Variants in PEX26 observed in about 807,000 individuals in gnomAD.
PEX26 encodes peroxisome assembly protein 26.
PEX26 carries 18 observed loss-of-function variants against 31.4 expected under a neutral mutation model. That is an observed-to-expected ratio of 0.57 (90% CI 0.40 to 0.85). The LOEUF (loss-of-function observed/expected upper bound fraction) is 0.85, where lower values mean the gene tolerates loss of function less well. Among genes scored for constraint, PEX26 ranks in the 40% least tolerant of loss-of-function variants. The probability of loss-of-function intolerance (pLI) is 0.00; values close to 1 mark genes in which losing one functional copy is unlikely to be tolerated. For missense variants in PEX26, 377 were observed against 383.9 expected, an observed-to-expected ratio of 0.98 and a Z score of 0.15; for synonymous variants, 176 against 166.9, an observed-to-expected ratio of 1.05 and a Z score of -0.42.
Position 18,099,645 on chromosome 22 carries a change from T to C in PEX26, c.*11570T>C, listed in dbSNP as rs1180861428. The C allele has an allele frequency of 6.6e-6, 1 of 152,348 alleles. No individual in the cohort carries two copies. The highest frequency in any genetic ancestry group is 6.5e-5 in the Admixed American group (1 of 15,298). 9.4% of individuals were successfully genotyped at this position (152,348 alleles called of 1,614,324 possible). A position where few individuals can be genotyped will look rare whatever the true frequency, so the allele number is the denominator to read the frequency against. The stretch of plus-strand genomic sequence containing the variant: ...ACTGCTGTTAACAAATTGCCACAAA[T>C]GTATGGCTTAAAACAACAGAAATTT... On this transcript the variant is annotated 3_prime_UTR_variant, in exon 5 of 5. Coordinates refer to ENST00000399744, the MANE Select transcript of PEX26 (RefSeq NM_001127649.3).
Position 18,096,353 on chromosome 22 carries a change from C to G in PEX26, c.*8278C>G, listed in dbSNP as rs1052997966. The G allele has an allele frequency of 6.6e-6, 1 of 151,952 alleles. No homozygotes were observed. Among genetic ancestry groups the G allele is most frequent in the Non-Finnish European group, 1.5e-5 (1 of 68,042 alleles). 9.4% of individuals were successfully genotyped at this position (151,952 alleles called of 1,614,324 possible). A position where few individuals can be genotyped will look rare whatever the true frequency, so the allele number is the denominator to read the frequency against. Reference sequence around the variant, plus strand: ...ACCCAGCATCTTGTGAACATCAGACCACAGAAAAGGCAGCACTTCTGATTC... The same window carrying G: ...ACCCAGCATCTTGTGAACATCAGACGACAGAAAAGGCAGCACTTCTGATTC... On this transcript the variant is annotated 3_prime_UTR_variant, in exon 5 of 5. Transcript: ENST00000399744.
At chr22:18,081,870 G>T (rs889547459) in intron 2 of PEX26, among the ~76,000 whole-genome samples, 2 of 152,072 alleles carry the variant, frequency 1.3e-5, no homozygotes, top group Admixed American at 1.3e-4. Flanking sequence ...ATCCTCACCC[G>T]CACCAACACT....
rs539940240 is a variant in PEX26, at chr22:18,087,035, C to A, written c.815-937C>A. On this transcript the variant is annotated intron_variant, in intron 4 of 4. Transcript: ENST00000399744. ...TCAAGCGATCTTCTCTCCTCAGCCTCCCAAGTAACTGGGACTACAGGCATG... is the reference window on the plus strand; with the variant it reads ...TCAAGCGATCTTCTCTCCTCAGCCTACCAAGTAACTGGGACTACAGGCATG... Among the ~76,000 whole-genome samples the A allele has an allele frequency of 3.9e-5, 6 of 152,248 alleles. No homozygotes were observed. The East Asian group carries it at 1.2e-3, about 29-fold the overall frequency.
chr22:18,097,747 C>T lies in PEX26; in HGVS notation c.*9672C>T, dbSNP rs139907542. On this transcript the variant is annotated 3_prime_UTR_variant, in exon 5 of 5. Transcript: ENST00000399744. ...AATACAGAGATGGGGTCTTACTACA[C>T]TGACCAGGCTGGTGTTGAACTTGCC... The T allele has an allele frequency of 6.6e-6, 1 of 151,896 alleles. No homozygotes were observed. Among genetic ancestry groups the T allele is most frequent in the African/African-American group, 2.4e-5 (1 of 41,422 alleles). The allele number at this position is 151,896 out of a possible 1,614,324, so 9.4% of individuals were successfully genotyped here. A position where few individuals can be genotyped will look rare whatever the true frequency, so the allele number is the denominator to read the frequency against.
At chr22:18,082,280 C>T (rs1424766127) in intron 2 of PEX26, among the ~76,000 whole-genome samples, 2 of 152,096 alleles carry the variant, frequency 1.3e-5, no homozygotes, top group Non-Finnish European at 2.9e-5. Context: ...GAAAAAAACA[C>T]TTGCTCAGCC....
rs1323782084 is a variant in PEX26, at chr22:18,097,338, ACT to A, written c.*9264_*9265del. ...GAGTGCAGGGGTGTGATCTCGGCTC[ACT>A]GCAAGCTCCGCCTTCCGGGTTCACG... On this transcript the variant is annotated 3_prime_UTR_variant, in exon 5 of 5. Transcript: ENST00000399744. The A allele has an allele frequency of 6.8e-6, 1 of 147,298 alleles. No individual in the cohort carries two copies. The highest frequency in any genetic ancestry group is 2.0e-4 in the East Asian group (1 of 4,994). The allele number at this position is 147,298 out of a possible 1,614,324, so 9.1% of individuals were successfully genotyped here. A position where few individuals can be genotyped will look rare whatever the true frequency, so the allele number is the denominator to read the frequency against.
At chr22:18,078,948 C>G (rs975453364) in intron 1 of PEX26, 1 of 437,490 alleles carries the variant, frequency 2.3e-6, no homozygotes, top group Admixed American at 3.1e-5. Flanking sequence ...CCCCGCCCCG[C>G]CCAAGGTTGT....
chr22:18,081,877 C>T (rs1926626785), intron 2 of PEX26, among the ~76,000 whole-genome samples: 1 of 152,188 alleles, frequency 6.6e-6, no homozygotes, highest in African/African-American at 2.4e-5. Flanking sequence ...CCCGCACCAA[C>T]ACTCGTTTTC....
chr22:18,081,245 T>TACACACAC (rs59081749), intron 2 of PEX26, among the ~76,000 whole-genome samples: 9,123 of 138,002 alleles, frequency 0.066, 549 homozygotes, highest in East Asian at 0.23. Flanking sequence ...TGTACACATA[T>TACACACAC]ACACACACAC....
rs753539295 is a variant in PEX26, at chr22:18,078,410, C to G, written c.34C>G (p.Leu12Val). The change falls in exon 1 of 5, where the codon CTC (leucine) becomes GTC (valine). Residue 12 changes from leucine (L) to valine (V), a missense_variant. By Grantham distance (32) the Leu-to-Val change is conservative. Coordinates refer to ENST00000399744, the MANE Select transcript of PEX26 (RefSeq NM_001127649.3). ...KSDSSTSAAP[L>V]RGLGGPLRSS... is the part of the protein sequence containing the mutation. Reference sequence around the variant, plus strand: ...CGATTCTTCGACCTCTGCAGCCCCCCTCAGGGGGCTCGGGGGACCCCTGCG... The same window carrying G: ...CGATTCTTCGACCTCTGCAGCCCCCGTCAGGGGGCTCGGGGGACCCCTGCG... The G allele has an allele frequency of 2.5e-6, 4 of 1,595,938 alleles. No individual in the cohort carries two copies. The highest frequency in any genetic ancestry group is 4.5e-5 in the East Asian group (2 of 44,336).
At chr22:18,081,233 T>C (rs940306738) in intron 2 of PEX26, among the ~76,000 whole-genome samples, 2 of 101,924 alleles carry the variant, frequency 2.0e-5, no homozygotes, top group Non-Finnish European at 3.8e-5. Flanking sequence ...AATATACATA[T>C]ATGTACACAT....
In PEX26 at chr22:18,079,338, A is replaced by G. The variant is rs144357121; in HGVS notation, c.231-536A>G. 4.7e-4 allele frequency: 248 copies of G among 523,660 alleles called. 1 individual carries two copies. The African/African-American group carries it at 4.8e-3, about 10-fold the overall frequency. 32.4% of individuals were successfully genotyped at this position (523,660 alleles called of 1,614,324 possible). A position where few individuals can be genotyped will look rare whatever the true frequency, so the allele number is the denominator to read the frequency against. On this transcript the variant is annotated intron_variant, in intron 1 of 4. Coordinates refer to ENST00000399744, the MANE Select transcript of PEX26 (RefSeq NM_001127649.3). ...GTAGGTAGAATAGCTAAAGTTGACC[A>G]CAAAGAAGGATGATCTGGAGAGCCC... is the stretch of plus-strand genomic sequence containing the variant.
intron 2 of PEX26, 89 bp from the exon 3 acceptor site, chr22:18,083,348 A>G (rs1602462224): frequency 7.4e-7 from 1 of 1,343,010 alleles, no homozygotes; most frequent in Non-Finnish European, 1.1e-6. Context: ...GAGGGGCTGG[A>G]TAGGAGAAGC....
chr22:18,104,788 T>C lies in PEX26; in HGVS notation c.*16713T>C, dbSNP rs1309264497. ...AAAGCTCCACCCCTCCCAGGGGAAT[T>C]TGTCCCATGATTCACCTCCTCTTTG... On this transcript the variant is annotated 3_prime_UTR_variant, in exon 5 of 5. Coordinates refer to ENST00000399744, the MANE Select transcript of PEX26 (RefSeq NM_001127649.3). The C allele has an allele frequency of 2.0e-5, 3 of 152,254 alleles. No homozygotes were observed. Among genetic ancestry groups the C allele is most frequent in the Non-Finnish European group, 2.9e-5 (2 of 68,086 alleles). The allele number at this position is 152,254 out of a possible 1,614,324, so 9.4% of individuals were successfully genotyped here.
chr22:18,083,415 T>C (rs200733764), intron 2 of PEX26, 22 bp from the exon 3 acceptor site: 15 of 1,612,584 alleles, frequency 9.3e-6, no homozygotes, highest in Admixed American at 6.7e-5. Flanking sequence ...TTTGTTGGGA[T>C]TGGGTTTTTT....
rs1927479327 is a variant in PEX26 at position 18,102,480 on chromosome 22, A to AC, written c.*14405_*14406insC. Reference sequence around the variant, plus strand: ...ATCTAGTGCCACAGCTTGTTCGGGGAAGCTGGCATAGAAGATGATTTGCTC... The same window carrying AC: ...ATCTAGTGCCACAGCTTGTTCGGGGACAGCTGGCATAGAAGATGATTTGCTC... On this transcript the variant is annotated 3_prime_UTR_variant, in exon 5 of 5. Coordinates refer to ENST00000399744, the MANE Select transcript of PEX26 (RefSeq NM_001127649.3). 6.5e-6 allele frequency: 1 copy of AC among 154,704 alleles called. No individual in the cohort carries two copies. Among genetic ancestry groups the AC allele is most frequent in the Non-Finnish European group, 1.5e-5 (1 of 68,904 alleles). 9.6% of individuals were successfully genotyped at this position (154,704 alleles called of 1,614,324 possible).
chr22:18,085,691 A>G (rs1376720948), intron 4 of PEX26, among the ~76,000 whole-genome samples: 2 of 152,006 alleles, frequency 1.3e-5, no homozygotes, highest in Non-Finnish European at 2.9e-5. Context: ...CAACATGGTA[A>G]AGCCCCATCT....
rs1927361748 is a variant in PEX26, at chr22:18,098,581, G to A, written c.*10506G>A. On this transcript the variant is annotated 3_prime_UTR_variant, in exon 5 of 5. Transcript: ENST00000399744. ...TGGGAGGCAGAGGTTGCAGTGAGCTGAGATCCTGCCACTGCACTCCAGTCT... is the reference window on the plus strand; with the variant it reads ...TGGGAGGCAGAGGTTGCAGTGAGCTAAGATCCTGCCACTGCACTCCAGTCT... The A allele has an allele frequency of 6.6e-6, 1 of 151,866 alleles. No homozygotes were observed. Among genetic ancestry groups the A allele is most frequent in the Non-Finnish European group, 1.5e-5 (1 of 68,002 alleles). 9.4% of individuals were successfully genotyped at this position (151,866 alleles called of 1,614,324 possible). A position where few individuals can be genotyped will look rare whatever the true frequency, so the allele number is the denominator to read the frequency against.
chr22:18,097,840 T>C lies in PEX26; in HGVS notation c.*9765T>C, dbSNP rs1343144748. 1 of 152,220 alleles carries C rather than the reference T, an allele frequency of 6.6e-6. No individual in the cohort carries two copies. Among genetic ancestry groups the C allele is most frequent in the Non-Finnish European group, 1.5e-5 (1 of 68,036 alleles). The allele number at this position is 152,220 out of a possible 1,614,324, so 9.4% of individuals were successfully genotyped here. Reference sequence around the variant, plus strand: ...ATAGGCATAAGCCACCACACCCAGATGATTTTTTTATTTTTCAAAGAAGTG... The same window carrying C: ...ATAGGCATAAGCCACCACACCCAGACGATTTTTTTATTTTTCAAAGAAGTG... On this transcript the variant is annotated 3_prime_UTR_variant, in exon 5 of 5. Coordinates refer to ENST00000399744, the MANE Select transcript of PEX26 (RefSeq NM_001127649.3).
Sources: allele counts gnomAD v4.1 joint callset (sites outside exome capture counted in the v4.1 genomes callset), GRCh38; gene constraint gnomAD v4.1.1; transcripts MANE v1.5; gene names NCBI Gene and HGNC (gene_info 2026-07-23, HGNC 2026-07-21).